The following COL22A1 variants were observed in gnomAD, a reference collection of about 807,000 sequenced individuals.
COL22A1 encodes collagen alpha-1(XXII) chain.
In COL22A1, 221 loss-of-function variants were observed where a neutral mutation model predicts 248.9. The ratio of observed to expected loss-of-function variants is 0.89; its 90% CI spans 0.80 to 0.99. COL22A1 has a LOEUF of 0.99. COL22A1 is among the 50% of genes least tolerant of loss of function. COL22A1 has a pLI of 0.00. For missense variants in COL22A1, 2,240 were observed against 2,179.0 expected (o/e 1.03, Z -0.56); for synonymous variants, 891 against 793.4 (o/e 1.12, Z -2.07).
At chr8:138,637,792 C>CAAA (rs879276295) in intron 47 of COL22A1, among the ~76,000 whole-genome samples, 8 of 150,810 alleles carry the variant, frequency 5.3e-5, no homozygotes, top group Non-Finnish European at 1.2e-4. Context: ...CATTAGCTAT[C>CAAA]ATCATTCTCA....
chr8:138,631,075 C>T (rs2132000866), intron 49 of COL22A1, among the ~76,000 whole-genome samples: 1 of 152,294 alleles, frequency 6.6e-6, no homozygotes, highest in Non-Finnish European at 1.5e-5. Context: ...CACACCTGGC[C>T]TTCCTCTATG....
chr8:138,612,266 T>C (rs1818924508), intron 56 of COL22A1, among the ~76,000 whole-genome samples: 1 of 152,162 alleles, frequency 6.6e-6, no homozygotes, highest in Admixed American at 6.5e-5. Flanking sequence ...GAGACACAGA[T>C]ATCAAAGCTG....
At chr8:138,902,968 A>G (rs1052922231) in intron 1 of COL22A1, among the ~76,000 whole-genome samples, 12 of 152,242 alleles carry the variant, frequency 7.9e-5, no homozygotes, top group Admixed American at 7.2e-4. Context: ...TGGTTACTTT[A>G]GCCCTAATAC....
chr8:138,742,370 G>GTGA (rs202137276), intron 22 of COL22A1, among the ~76,000 whole-genome samples: 2 of 151,932 alleles, frequency 1.3e-5, no homozygotes, highest in Non-Finnish European at 2.9e-5. Context: ...GGAGTTGATG[G>GTGA]TGATGATGAT....
intron 41 of COL22A1, among the ~76,000 whole-genome samples, chr8:138,666,117 T>C (rs901725275): frequency 6.6e-6 from 1 of 152,222 alleles, no homozygotes; most frequent in Non-Finnish European, 1.5e-5. Flanking sequence ...GAAATTATTC[T>C]TTTTTTCCTC....
chr8:138,621,969 T>C (rs754561951), intron 52 of COL22A1, among the ~76,000 whole-genome samples: 1 of 152,234 alleles, frequency 6.6e-6, no homozygotes, highest in Non-Finnish European at 1.5e-5. Flanking sequence ...CTCTTTCTTT[T>C]GCTCTCAGCA....
intron 31 of COL22A1, among the ~76,000 whole-genome samples, chr8:138,700,862 G>C (rs931400926): frequency 6.6e-6 from 1 of 152,082 alleles, no homozygotes; most frequent in Non-Finnish European, 1.5e-5. Context: ...CCGGGTGCCT[G>C]TAGTCCCAGC....
intron 11 of COL22A1, among the ~76,000 whole-genome samples, chr8:138,800,367 C>A (rs1310403060): frequency 6.6e-6 from 1 of 152,192 alleles, no homozygotes; most frequent in Non-Finnish European, 1.5e-5. Flanking sequence ...CTCTGGAACT[C>A]CAGACGCAGG....
In COL22A1 at chr8:138,646,636, C is replaced by T; in HGVS notation, c.3494G>A (p.Gly1165Glu). The T allele has an allele frequency of 6.3e-7, 1 of 1,583,544 alleles. No individual in the cohort carries two copies. Among genetic ancestry groups the T allele is most frequent in the Non-Finnish European group, 8.6e-7 (1 of 1,164,284 alleles). Residue 1165 changes from glycine (G) to glutamate (E), a missense_variant, in exon 47 of 65, where the codon GGA becomes GAA. Gly to Glu is a moderately conservative substitution (Grantham distance 98, BLOSUM62 -2). Transcript: ENST00000303045. Reference sequence around the variant, plus strand: ...TTATGAAGTCTCACTGACCTGTGGTCCAGCTATTCCTGGGGGCCCTGGTAG... The same window carrying T: ...TTATGAAGTCTCACTGACCTGTGGTTCAGCTATTCCTGGGGGCCCTGGTAG... ...PGLPGPPGIA[G>E]PQGSQGERGA...
chr8:138,774,009 G>A (rs539182175), intron 16 of COL22A1, among the ~76,000 whole-genome samples: 6 of 152,244 alleles, frequency 3.9e-5, no homozygotes, highest in Non-Finnish European at 7.4e-5. Flanking sequence ...GCTCCTGTGT[G>A]CCCAGAGCCT....
intron 1 of COL22A1, among the ~76,000 whole-genome samples, chr8:138,888,778 C>T (rs1824846162): frequency 1.3e-5 from 2 of 152,152 alleles, no homozygotes; most frequent in African/African-American, 4.8e-5. Flanking sequence ...GAGCTGATCG[C>T]CCAGCCCTCT....
At chr8:138,646,025 A>C (rs571158491) in intron 47 of COL22A1, among the ~76,000 whole-genome samples, 9 of 152,316 alleles carry the variant, frequency 5.9e-5, no homozygotes, top group Non-Finnish European at 2.9e-5. Flanking sequence ...CCAACAGCTC[A>C]AACAGCCCCA....
At chr8:138,818,323 T>A (rs538898814) in intron 7 of COL22A1, among the ~76,000 whole-genome samples, 13 of 152,338 alleles carry the variant, frequency 8.5e-5, no homozygotes, top group Non-Finnish European at 1.5e-4. Context: ...AGTCACCTGA[T>A]ACTTTTCAGT....
chr8:138,674,044 C>T (rs962427964), intron 41 of COL22A1, among the ~76,000 whole-genome samples: 11 of 152,096 alleles, frequency 7.2e-5, no homozygotes, highest in Non-Finnish European at 1.3e-4. Flanking sequence ...AGTAACATAC[C>T]CTCCCCTTGG....
chr8:138,858,898 T>C (rs1365233359), intron 3 of COL22A1, among the ~76,000 whole-genome samples: 1 of 152,088 alleles, frequency 6.6e-6, no homozygotes, highest in African/African-American at 2.4e-5. Context: ...GGAGAGGAGA[T>C]AGGCCTTCCC....
chr8:138,805,457 TG>T (rs1486485612), intron 10 of COL22A1, among the ~76,000 whole-genome samples: 1 of 136,674 alleles, frequency 7.3e-6, no homozygotes, highest in East Asian at 2.2e-4. Context: ...GTGTGTGTGA[TG>T]GTGTGTGTGT....
chr8:138,754,283 T>C (rs940769680), intron 21 of COL22A1, among the ~76,000 whole-genome samples: 1 of 152,166 alleles, frequency 6.6e-6, no homozygotes, highest in Non-Finnish European at 1.5e-5. Context: ...TGGGCAGCTC[T>C]GGAAACCGAA....
At chr8:138,721,194 A>G (rs1475889770) in intron 26 of COL22A1, among the ~76,000 whole-genome samples, 1 of 152,166 alleles carries the variant, frequency 6.6e-6, no homozygotes, top group Non-Finnish European at 1.5e-5. Context: ...TTAAATCCAC[A>G]CTTATTCTGT....
intron 47 of COL22A1, among the ~76,000 whole-genome samples, chr8:138,646,347 A>G (rs1366430771): frequency 6.6e-6 from 1 of 152,214 alleles, no homozygotes; most frequent in Non-Finnish European, 1.5e-5. Flanking sequence ...GTCTGACCAC[A>G]AAACTCATGT....
Sources: allele counts gnomAD v4.1 joint callset (sites outside exome capture counted in the v4.1 genomes callset), GRCh38; gene constraint gnomAD v4.1.1; transcripts MANE v1.5; gene names NCBI Gene and HGNC (gene_info 2026-07-23, HGNC 2026-07-21).